The following IL1RAPL1 variants were observed in gnomAD, a reference collection of about 807,000 sequenced individuals.
IL1RAPL1 encodes interleukin-1 receptor accessory protein-like 1.
In IL1RAPL1, 3 loss-of-function variants were observed where a neutral mutation model predicts 48.4. The observed-to-expected ratio is 0.06, with a 90% confidence interval of 0.03 to 0.16. The LOEUF (loss-of-function observed/expected upper bound fraction) is 0.16, where lower values mean the gene tolerates loss of function less well. Among genes scored for constraint, IL1RAPL1 ranks in the 10% least tolerant of loss-of-function variants. The pLI is 1.00. For synonymous variants in IL1RAPL1, 185 were observed against 187.7 expected, an observed-to-expected ratio of 0.99 and a Z score of 0.12; for missense variants, 349 against 530.6, an observed-to-expected ratio of 0.66 and a Z score of 3.36.
chrX:29,189,183 T>A (rs1341784722), intron 2 of IL1RAPL1, among the ~76,000 whole-genome samples: 2 of 112,340 alleles, frequency 1.8e-5, no homozygotes, highest in African/African-American at 6.5e-5. Flanking sequence ...ATAAGATGTG[T>A]CTGTGCATTT....
intron 5 of IL1RAPL1, among the ~76,000 whole-genome samples, chrX:29,632,185 G>A (rs1187645571): frequency 9.4e-5 from 10 of 106,696 alleles, no homozygotes; most frequent in Middle Eastern, 4.9e-3. Flanking sequence ...GTCTCACTCT[G>A]TTGCCCAGGC....
chrX:29,295,411 T>A (rs1190780801), intron 3 of IL1RAPL1, among the ~76,000 whole-genome samples: 2 of 111,804 alleles, frequency 1.8e-5, no homozygotes, highest in Non-Finnish European at 3.8e-5. Context: ...CTTTCTAGGT[T>A]CTCTGATGGT....
At chrX:29,670,028 A>C (rs1281216293) in intron 6 of IL1RAPL1, among the ~76,000 whole-genome samples, 1 of 111,845 alleles carries the variant, frequency 8.9e-6, no homozygotes, top group Non-Finnish European at 1.9e-5. Flanking sequence ...GTTTTATGGT[A>C]CCAGTTACTA....
At chrX:28,621,637 C>T (rs1289427992) in intron 1 of IL1RAPL1, among the ~76,000 whole-genome samples, 1 of 112,153 alleles carries the variant, frequency 8.9e-6, no homozygotes, top group Non-Finnish European at 1.9e-5. Context: ...AATCCTGTCA[C>T]TCACTTCTCT....
At chrX:29,044,583 C>T (rs1449241298) in intron 2 of IL1RAPL1, among the ~76,000 whole-genome samples, 2 of 110,213 alleles carry the variant, frequency 1.8e-5, no homozygotes, top group East Asian at 5.7e-4. Flanking sequence ...TCCAGCCAAC[C>T]CGTGACATAT....
intron 5 of IL1RAPL1, among the ~76,000 whole-genome samples, chrX:29,594,710 A>G (rs1201922034): frequency 9.0e-6 from 1 of 111,218 alleles, no homozygotes; most frequent in Non-Finnish European, 1.9e-5. Context: ...GGGATTTTTT[A>G]TTTGTATTTA....
chrX:28,832,184 C>T (rs995324447), intron 2 of IL1RAPL1, among the ~76,000 whole-genome samples: 5 of 110,832 alleles, frequency 4.5e-5, no homozygotes, highest in Non-Finnish European at 7.6e-5. Context: ...TGCTATAGAA[C>T]ACTGGAACTT....
chrX:29,324,856 A>C (rs1216222969), intron 3 of IL1RAPL1, among the ~76,000 whole-genome samples: 2 of 111,414 alleles, frequency 1.8e-5, no homozygotes, highest in Non-Finnish European at 3.8e-5. Context: ...TCAATTTTAC[A>C]TTGTTGGTAT....
At chrX:29,077,616 A>AG (rs1290172944) in intron 2 of IL1RAPL1, among the ~76,000 whole-genome samples, 2 of 96,250 alleles carry the variant, frequency 2.1e-5, no homozygotes, top group African/African-American at 9.1e-5. Flanking sequence ...AAGAAAAAAA[A>AG]AAAAAAGAAA....
At chrX:28,723,908 G>T (rs955558814) in intron 1 of IL1RAPL1, among the ~76,000 whole-genome samples, 18 of 112,008 alleles carry the variant, frequency 1.6e-4, no homozygotes, top group African/African-American at 5.5e-4. Flanking sequence ...GCGATTTTGA[G>T]TGAGTTTCTT....
chrX:29,723,077 C>T (rs1347059083), intron 6 of IL1RAPL1, among the ~76,000 whole-genome samples: 3 of 111,942 alleles, frequency 2.7e-5, no homozygotes, highest in Non-Finnish European at 5.6e-5. Context: ...TATACAGTGT[C>T]TATTTTCAGA....
intron 5 of IL1RAPL1, among the ~76,000 whole-genome samples, chrX:29,662,077 A>T (rs937934982): frequency 9.0e-5 from 10 of 111,413 alleles, no homozygotes; most frequent in African/African-American, 2.6e-4. Context: ...TTCCTCTTAT[A>T]CTTAAAATAA....
intron 8 of IL1RAPL1, among the ~76,000 whole-genome samples, chrX:29,932,621 C>T (rs1345190924): frequency 9.0e-6 from 1 of 111,436 alleles, no homozygotes; most frequent in African/African-American, 3.3e-5. Flanking sequence ...ACCCCTGTCT[C>T]TAAAATACTC....
chrX:29,268,728 G>C (rs1162896521), intron 2 of IL1RAPL1, among the ~76,000 whole-genome samples: 1 of 112,079 alleles, frequency 8.9e-6, no homozygotes, highest in African/African-American at 3.2e-5. Flanking sequence ...TGCTTAATGC[G>C]CTATGCAGTA....
intron 1 of IL1RAPL1, among the ~76,000 whole-genome samples, chrX:28,634,675 C>T (rs1167984106): frequency 9.1e-6 from 1 of 110,258 alleles, no homozygotes. Flanking sequence ...ACCATATTCC[C>T]TGTCTTTCTA....
intron 2 of IL1RAPL1, among the ~76,000 whole-genome samples, chrX:29,236,925 A>G (rs1348513591): frequency 9.1e-6 from 1 of 109,454 alleles, no homozygotes; most frequent in Non-Finnish European, 1.9e-5. Flanking sequence ...GCAATACCTT[A>G]TATATCCCAT....
chrX:28,777,540 T>C (rs751171311), intron 1 of IL1RAPL1, among the ~76,000 whole-genome samples: 82 of 111,817 alleles, frequency 7.3e-4, no homozygotes, highest in Non-Finnish European at 1.3e-3. Context: ...GAGGATTCTA[T>C]TGACACATTG....
chrX:29,725,633 G>T (rs1036027484), intron 6 of IL1RAPL1, among the ~76,000 whole-genome samples: 1 of 111,585 alleles, frequency 9.0e-6, no homozygotes, highest in South Asian at 3.8e-4. Flanking sequence ...CTCCACTGGG[G>T]CAACTAGTTT....
chrX:28,707,298 A>G (rs895066552), intron 1 of IL1RAPL1, among the ~76,000 whole-genome samples: 1 of 112,343 alleles, frequency 8.9e-6, no homozygotes, highest in African/African-American at 3.2e-5. Context: ...GAGAAATGGT[A>G]AATAAATAGT....
Sources: allele counts gnomAD v4.1 joint callset (sites outside exome capture counted in the v4.1 genomes callset), GRCh38; gene constraint gnomAD v4.1.1; transcripts MANE v1.5; gene names NCBI Gene and HGNC (gene_info 2026-07-23, HGNC 2026-07-21).